The following PEBP4 variants were observed in gnomAD, a reference collection of about 807,000 sequenced individuals.
PEBP4 encodes phosphatidylethanolamine-binding protein 4.
In PEBP4, 22 loss-of-function variants were observed where a neutral mutation model predicts 23.9. That is an observed-to-expected ratio of 0.92 (90% CI 0.66 to 1.31). The LOEUF is 1.31. PEBP4 is among the 40% of genes most tolerant of loss of function. PEBP4 has a pLI of 0.00. For missense variants in PEBP4, 324 were observed against 281.7 expected (o/e 1.15, Z -1.07); for synonymous variants, 112 against 99.3 (o/e 1.13, Z -0.76).
Position 22,876,822 on chromosome 8 carries a change from A to C in PEBP4, c.258+43362T>G, listed in dbSNP as rs920892339. 7.9e-5 allele frequency among the ~76,000 whole-genome samples: 12 copies of C among 152,348 alleles called. 1 individual carries two copies. The South Asian group carries it at 2.5e-3, about 32-fold the overall frequency. Reference sequence around the variant, plus strand: ...CAAAATCTGGCTTGGTTAGCCAGAAAATGTAAACACATTTCTGTTAATGTT... The same window carrying C: ...CAAAATCTGGCTTGGTTAGCCAGAACATGTAAACACATTTCTGTTAATGTT... On this transcript the variant is annotated intron_variant, in intron 3 of 6. Transcript: ENST00000256404.
chr8:22,824,437 C>T (rs568151727), intron 3 of PEBP4, among the ~76,000 whole-genome samples: 3 of 152,260 alleles, frequency 2.0e-5, no homozygotes, highest in East Asian at 1.9e-4. Context: ...TTTAGGACAG[C>T]GCTCCCCAAT....
chr8:22,798,163 G>A (rs1003724282), intron 4 of PEBP4, among the ~76,000 whole-genome samples: 1 of 152,102 alleles, frequency 6.6e-6, no homozygotes, highest in Admixed American at 6.5e-5. Flanking sequence ...CAGATAGGAG[G>A]GGGTCCTAGG....
chr8:22,713,536 C>G lies in PEBP4; in HGVS notation c.518G>C (p.Gly173Ala), dbSNP rs200301857. Residue 173 changes from glycine (G) to alanine (A), a missense_variant and splice_region_variant, in exon 7 of 7, where the codon GGC becomes GCC. By Grantham distance (60) the Gly-to-Ala change is moderately conservative. Coordinates refer to ENST00000256404, the MANE Select transcript of PEBP4 (RefSeq NM_144962.3). The stretch of plus-strand genomic sequence containing the variant: ...CAGAAATCTGTCCATTTTCCAAGAG[C>G]CTGGAAGGACAAACAGACCACAGGG... ...SLLPKENKTR[G>A]SWKMDRFLNR... 3.1e-6 allele frequency: 5 copies of G among 1,614,128 alleles called. No individual in the cohort carries two copies. The highest frequency in any genetic ancestry group is 4.2e-6 in the Non-Finnish European group (5 of 1,180,010).
At chr8:22,777,398 A>G (rs1805834019) in intron 4 of PEBP4, among the ~76,000 whole-genome samples, 2 of 152,112 alleles carry the variant, frequency 1.3e-5, no homozygotes, top group Admixed American at 1.3e-4. Flanking sequence ...TGTGAGAGTG[A>G]CCTGGGCTGG....
At chr8:22,813,200 A>C (rs1475919881) in intron 4 of PEBP4, among the ~76,000 whole-genome samples, 1 of 152,266 alleles carries the variant, frequency 6.6e-6, no homozygotes, top group Non-Finnish European at 1.5e-5. Context: ...GACTCTTTTA[A>C]TTCAACCCAG....
rs142132965 is a variant in PEBP4 at position 22,724,234 on chromosome 8, T to G, written c.517+609A>C. ...GCAGTGGCCAAGTGGCCACCGCTCC[T>G]GCTCCCTGGCCCTGGTGGCAGGAGG... On this transcript the variant is annotated intron_variant, in intron 6 of 6. Coordinates refer to ENST00000256404, the MANE Select transcript of PEBP4 (RefSeq NM_144962.3). Among the ~76,000 whole-genome samples, 786 of 152,296 alleles carry G rather than the reference T, an allele frequency of 5.2e-3. 4 individuals carry two copies. Among genetic ancestry groups the G allele is most frequent in the African/African-American group, 0.018 (758 of 41,564 alleles).
intron 3 of PEBP4, among the ~76,000 whole-genome samples, chr8:22,914,796 G>A (rs1455830263): frequency 6.6e-6 from 1 of 152,098 alleles, no homozygotes; most frequent in Non-Finnish European, 1.5e-5. Context: ...GGGTTTCTGT[G>A]CAGAAGTCGG....
At chr8:22,779,888 G>A (rs1007987970) in intron 4 of PEBP4, among the ~76,000 whole-genome samples, 1 of 152,186 alleles carries the variant, frequency 6.6e-6, no homozygotes. Context: ...GGGGACAACT[G>A]CTCAGTAGTT....
At chr8:22,887,562 T>TC (rs59107637) in intron 3 of PEBP4, 152,114 of 152,116 alleles carry the variant, frequency 1, 76,056 homozygotes, top group Middle Eastern at 1. Context: ...GCCCAGGAGT[T>TC]GAGACCAGCC....
chr8:22,718,612 C>A (rs1220392849), intron 6 of PEBP4, among the ~76,000 whole-genome samples: 1 of 152,196 alleles, frequency 6.6e-6, no homozygotes, highest in Non-Finnish European at 1.5e-5. Context: ...GTTCTACCCG[C>A]TCGGCCAGGT....
chr8:22,876,360 A>G (rs1025321930), intron 3 of PEBP4, among the ~76,000 whole-genome samples: 1 of 152,186 alleles, frequency 6.6e-6, no homozygotes, highest in Non-Finnish European at 1.5e-5. Flanking sequence ...TCACCAGTGC[A>G]TACGGCCCAT....
intron 4 of PEBP4, among the ~76,000 whole-genome samples, chr8:22,735,956 C>A (rs1804852277): frequency 6.6e-6 from 1 of 152,236 alleles, no homozygotes; most frequent in Admixed American, 6.5e-5. Flanking sequence ...CTGGATCCTA[C>A]CACATAGAGA....
chr8:22,869,418 G>A (rs150304592), intron 3 of PEBP4, among the ~76,000 whole-genome samples: 27 of 152,244 alleles, frequency 1.8e-4, no homozygotes, highest in East Asian at 1.3e-3. Flanking sequence ...TCACAGATGC[G>A]TCCTCAGGAC....
At chr8:22,765,568 CA>C (rs1287451995) in intron 4 of PEBP4, among the ~76,000 whole-genome samples, 1 of 152,234 alleles carries the variant, frequency 6.6e-6, no homozygotes, top group Non-Finnish European at 1.5e-5. Flanking sequence ...TCCTTCCCAT[CA>C]GTGATGCTGC....
intron 3 of PEBP4, among the ~76,000 whole-genome samples, chr8:22,827,916 C>A (rs1425109095): frequency 1.3e-5 from 2 of 152,216 alleles, no homozygotes; most frequent in African/African-American, 4.8e-5. Context: ...TGTGGCCATG[C>A]TAGTGGGTGT....
At chr8:22,714,788 C>T (rs1377432963) in intron 6 of PEBP4, among the ~76,000 whole-genome samples, 2 of 152,128 alleles carry the variant, frequency 1.3e-5, no homozygotes, top group Non-Finnish European at 2.9e-5. Context: ...CTTTTCATAG[C>T]AATTAAGATA....
chr8:22,751,610 CTGTGTGTGTGTGTGTGTCTCTGTGTGTG>C (rs1805264677), intron 4 of PEBP4, among the ~76,000 whole-genome samples: 1 of 78,852 alleles, frequency 1.3e-5, no homozygotes, highest in Non-Finnish European at 3.2e-5. Context: ...GTGTGTGTGT[CTGTGTGTGTGTGTGTGTCTCTGTGTGTG>C]TGTGTGTGTG....
At chr8:22,751,276 A>T (rs1805250900) in intron 4 of PEBP4, among the ~76,000 whole-genome samples, 1 of 152,088 alleles carries the variant, frequency 6.6e-6, no homozygotes, top group African/African-American at 2.4e-5. Flanking sequence ...ACACCTAGAG[A>T]TGCTGCCATG....
At chr8:22,908,239 A>G (rs1430570453) in intron 3 of PEBP4, among the ~76,000 whole-genome samples, 1 of 152,132 alleles carries the variant, frequency 6.6e-6, no homozygotes, top group Non-Finnish European at 1.5e-5. Flanking sequence ...ATTTAAAGTC[A>G]TGGCATTGGA....
Sources: gnomAD v4.1 joint callset for allele counts (sites outside exome capture counted in the v4.1 genomes callset) on GRCh38, gnomAD v4.1.1 for gene constraint, MANE v1.5 for transcripts, NCBI Gene and HGNC (gene_info 2026-07-23, HGNC 2026-07-21) for gene names.